The following CFAP43 variants were observed in gnomAD, a reference collection of about 807,000 sequenced individuals.
CFAP43 encodes the protein cilia- and flagella-associated protein 43.
Under a neutral mutation model 218.9 loss-of-function variants are expected in CFAP43, and 155 were observed. That is an observed-to-expected ratio of 0.71 (90% CI 0.62 to 0.81). The LOEUF (loss-of-function observed/expected upper bound fraction) is 0.81. CFAP43 is among the 30% of genes least tolerant of loss of function. The pLI is 0.00. For missense variants in CFAP43, 1,778 were observed against 1,954.3 expected (o/e 0.91, Z 1.70); for synonymous variants, 645 against 681.3 (o/e 0.95, Z 0.83).
intron 27 of CFAP43, among the ~76,000 whole-genome samples, chr10:104,154,149 A>G (rs1039857507): frequency 6.6e-6 from 1 of 152,188 alleles, no homozygotes; most frequent in Non-Finnish European, 1.5e-5. Context: ...GTGGAAAGAT[A>G]CTTTGAGACT....
At chr10:104,189,099 C>T (rs2090126579) in intron 12 of CFAP43, among the ~76,000 whole-genome samples, 1 of 152,192 alleles carries the variant, frequency 6.6e-6, no homozygotes, top group Admixed American at 6.5e-5. Flanking sequence ...TTCCCCTTGT[C>T]TGTTTCCATT....
intron 29 of CFAP43, among the ~76,000 whole-genome samples, chr10:104,147,316 C>T (rs1255077837): frequency 6.6e-6 from 1 of 151,800 alleles, no homozygotes; most frequent in Non-Finnish European, 1.5e-5. Context: ...TTAAGTCACA[C>T]ATTCATAAAT....
At chr10:104,203,597 C>T in intron 8 of CFAP43, 75 bp downstream of exon 8, 1 of 1,444,906 alleles carries the variant, frequency 6.9e-7, no homozygotes, top group Non-Finnish European at 9.3e-7. Context: ...ATACTCTGCT[C>T]CTCATTCCTG....
At chr10:104,179,133 AC>A (rs1463255178) in intron 18 of CFAP43, 27 bp from the exon 19 acceptor site, 6 of 1,560,954 alleles carry the variant, frequency 3.8e-6, no homozygotes, top group Non-Finnish European at 4.4e-6. Flanking sequence ...ATATCACTTA[AC>A]AAAGCAAGAG....
At chr10:104,131,976 A>T in intron 36 of CFAP43, 140 bp downstream of exon 36, 3 of 542,364 alleles carry the variant, frequency 5.5e-6, no homozygotes. Context: ...CTACTTAGGG[A>T]CTTTTAATTA....
At chr10:104,164,917 T>C (rs189629342) in intron 23 of CFAP43, among the ~76,000 whole-genome samples, 30 of 152,290 alleles carry the variant, frequency 2.0e-4, no homozygotes, top group Admixed American at 7.2e-4. Context: ...TAGAGGCTCA[T>C]TGGGCTATTC....
intron 7 of CFAP43, 47 bp from the exon 8 acceptor site, chr10:104,203,850 A>G (rs370724079): frequency 3.3e-6 from 5 of 1,524,074 alleles, no homozygotes; most frequent in Non-Finnish European, 4.4e-6. Context: ...TAGTCAATGC[A>G]TAGTATACTT....
intron 18 of CFAP43, among the ~76,000 whole-genome samples, chr10:104,179,392 C>T (rs1032296853): frequency 1.3e-5 from 2 of 152,132 alleles, no homozygotes; most frequent in Non-Finnish European, 2.9e-5. Context: ...AACCAGTATG[C>T]ACTTTTATCG....
rs1223740336 is a variant in CFAP43, at chr10:104,185,141, T to A, written c.2016A>T (p.Thr672=). The change falls in exon 16 of 38, where the codon ACA becomes ACT. Residue 672 remains threonine (T), a synonymous_variant. Transcript: ENST00000357060. Reference sequence around the variant, plus strand: ...GAGAATGACTCCGACACCAAGCAAATGTTTCCTCAATAGTTAAGAAATAAA... The same window carrying A: ...GAGAATGACTCCGACACCAAGCAAAAGTTTCCTCAATAGTTAAGAAATAAA... The part of the protein sequence containing the change: ...LCIRDVYTLE[T]FAWCRSHSHQ... 5.0e-6 allele frequency: 8 copies of A among 1,613,594 alleles called. No homozygotes were observed. The highest frequency in any genetic ancestry group is 1.6e-4 in the Middle Eastern group (1 of 6,084).
intron 27 of CFAP43, among the ~76,000 whole-genome samples, chr10:104,155,481 T>C (rs911226837): frequency 6.6e-6 from 1 of 152,128 alleles, no homozygotes; most frequent in African/African-American, 2.4e-5. Flanking sequence ...ATAATTATCT[T>C]GCGAATGCAC....
chr10:104,221,218 G>A (rs1029267500), intron 3 of CFAP43, among the ~76,000 whole-genome samples: 9 of 152,178 alleles, frequency 5.9e-5, no homozygotes, highest in African/African-American at 1.7e-4. Context: ...CAGGTGATCC[G>A]CCCACCTTGG....
In CFAP43 at chr10:104,230,728, G is replaced by A. The variant is rs748237291; in HGVS notation, c.181C>T (p.Leu61=). The A allele has an allele frequency of 3.0e-5, 49 of 1,613,908 alleles. No homozygotes were observed. ...INIETKKKTV[L]QCSNGIVGVM... ...CCCACAATTCCATTACTACACTGCA[G>A]TACAGTCTTTTTCTTGGTTTCAATA... Residue 61 remains leucine (L), a synonymous_variant, in exon 2 of 38, where the codon CTG becomes TTG. Coordinates refer to ENST00000357060, the MANE Select transcript of CFAP43 (RefSeq NM_025145.7).
chr10:104,207,707 G>T lies in CFAP43; in HGVS notation c.853C>A (p.Gln285Lys). The change falls in exon 6 of 38, where the codon CAA (glutamine) becomes AAA (lysine). Residue 285 changes from glutamine to lysine, a missense_variant. By Grantham distance (53) the Gln-to-Lys change is moderately conservative. Around this residue, in one of 3 missense-constraint regions of CFAP43, gnomAD observed 1,553 missense variants for 1,685.2 expected, o/e 0.92. Coordinates refer to ENST00000357060, the MANE Select transcript of CFAP43 (RefSeq NM_025145.7). Reference protein sequence around the residue: ...HLLMINGDTLQVTVLNKIEEE... With the variant: ...HLLMINGDTLKVTVLNKIEEE... ...TCTATCTTATTAAGTACAGTCACTT[G>T]CAAGGTGTCTCCATTAATCATTAAA... The T allele has an allele frequency of 6.2e-7, 1 of 1,614,094 alleles. No individual in the cohort carries two copies. The highest frequency in any genetic ancestry group is 8.5e-7 in the Non-Finnish European group (1 of 1,179,992).
At chr10:104,186,348 G>C (rs2090029368) in intron 14 of CFAP43, among the ~76,000 whole-genome samples, 1 of 152,132 alleles carries the variant, frequency 6.6e-6, no homozygotes, top group South Asian at 2.1e-4. Flanking sequence ...TGCCAACTAA[G>C]TAAAGTCTTC....
At chr10:104,160,956 G>T in intron 27 of CFAP43, 81 bp downstream of exon 27, 1 of 1,361,712 alleles carries the variant, frequency 7.3e-7, no homozygotes. Flanking sequence ...TAAAGATATC[G>T]ACAAAGTAGA....
At chr10:104,182,537 C>A (rs755350586) in intron 16 of CFAP43, 24 bp from the exon 17 acceptor site, 2 of 1,553,484 alleles carry the variant, frequency 1.3e-6, no homozygotes, top group East Asian at 2.3e-5. Flanking sequence ...AAAGAAAACA[C>A]AGAGGCTATA....
intron 5 of CFAP43, among the ~76,000 whole-genome samples, chr10:104,208,615 G>C (rs2090765212): frequency 6.6e-6 from 1 of 152,096 alleles, no homozygotes; most frequent in African/African-American, 2.4e-5. Context: ...AATGTTTGTT[G>C]ATAATATCAT....
At chr10:104,202,297 C>T (rs1187922707) in intron 8 of CFAP43, among the ~76,000 whole-genome samples, 1 of 152,152 alleles carries the variant, frequency 6.6e-6, no homozygotes, top group Non-Finnish European at 1.5e-5. Context: ...TTTTCTCCGA[C>T]TGCTTTTAAA....
intron 1 of CFAP43, 111 bp from the exon 2 acceptor site, chr10:104,230,954 T>C: frequency 8.4e-7 from 1 of 1,189,012 alleles, no homozygotes; most frequent in Non-Finnish European, 1.1e-6. Flanking sequence ...TTCATGTCCT[T>C]TCTGCCCCCA....
Sources: allele counts gnomAD v4.1 joint callset (sites outside exome capture counted in the v4.1 genomes callset), GRCh38; gene constraint gnomAD v4.1.1; regional missense constraint gnomAD v4.1.1; transcripts MANE v1.5; gene names NCBI Gene and HGNC (gene_info 2026-07-23, HGNC 2026-07-21).